The following ADARB2 variants were observed in gnomAD, a reference collection of about 807,000 sequenced individuals.
ADARB2 encodes the protein inactive double-stranded RNA-specific editase B2.
A neutral mutation model predicts 62.2 loss-of-function variants in ADARB2; 25 were observed. That is an observed-to-expected ratio of 0.40 (90% CI 0.29 to 0.56). The LOEUF is 0.56. Ranked by LOEUF, ADARB2 falls within the 20% of genes least tolerant of loss-of-function variation. ADARB2 has a pLI of 0.43. For missense variants in ADARB2, 1,071 were observed against 1,077.4 expected, an observed-to-expected ratio of 0.99 and a Z score of 0.08; for synonymous variants, 572 against 500.8, an observed-to-expected ratio of 1.14 and a Z score of -1.90.
intron 1 of ADARB2, among the ~76,000 whole-genome samples, chr10:1,407,304 G>C (rs930804908): frequency 6.6e-6 from 1 of 152,150 alleles, no homozygotes; most frequent in African/African-American, 2.4e-5. Context: ...GCTGTCCTCT[G>C]TCTTCTACAA....
chr10:1,369,732 G>C (rs982772694), intron 2 of ADARB2, among the ~76,000 whole-genome samples: 3 of 152,114 alleles, frequency 2.0e-5, no homozygotes, highest in African/African-American at 7.2e-5. Context: ...CCCTTTTTCC[G>C]AGAGGGTGGG....
intron 8 of ADARB2, among the ~76,000 whole-genome samples, chr10:1,196,600 A>G (rs1440107507): frequency 1.3e-5 from 2 of 152,190 alleles, no homozygotes; most frequent in Admixed American, 6.5e-5. Flanking sequence ...TTCTCCAGAA[A>G]ATGAAAACAA....
At chr10:1,332,476 G>T (rs1589195224) in intron 3 of ADARB2, among the ~76,000 whole-genome samples, 9 of 130,360 alleles carry the variant, frequency 6.9e-5, no homozygotes, top group East Asian at 2.1e-4. Context: ...ACTAGCATCA[G>T]TTTTGTTTTT....
chr10:1,597,770 G>A (rs1266611865), intron 1 of ADARB2, among the ~76,000 whole-genome samples: 2 of 152,180 alleles, frequency 1.3e-5, no homozygotes, highest in African/African-American at 4.8e-5. Context: ...CCCACTACTG[G>A]ATATCTACCC....
chr10:1,273,903 C>A (rs1831288587), intron 3 of ADARB2, among the ~76,000 whole-genome samples: 1 of 152,168 alleles, frequency 6.6e-6, no homozygotes, highest in African/African-American at 2.4e-5. Context: ...ACGGGTGGGA[C>A]CTCTGCCAGG....
chr10:1,588,112 T>A (rs1356000288), intron 1 of ADARB2, among the ~76,000 whole-genome samples: 1 of 152,174 alleles, frequency 6.6e-6, no homozygotes, highest in Non-Finnish European at 1.5e-5. Flanking sequence ...AATCACAGGC[T>A]ACACACTGAG....
At chr10:1,250,871 C>G (rs7079124) in intron 4 of ADARB2, among the ~76,000 whole-genome samples, 5,549 of 152,220 alleles carry the variant, frequency 0.036, 360 homozygotes, top group African/African-American at 0.13. Context: ...TGCCAGGTCA[C>G]TGTGGGGATG....
At chr10:1,450,456 G>A (rs999801470) in intron 1 of ADARB2, among the ~76,000 whole-genome samples, 14 of 152,184 alleles carry the variant, frequency 9.2e-5, no homozygotes, top group African/African-American at 3.4e-4. Flanking sequence ...ATTCAGCACC[G>A]GACTCTGATG....
intron 4 of ADARB2, among the ~76,000 whole-genome samples, chr10:1,245,788 C>A (rs1402848136): frequency 1.1e-4 from 17 of 152,044 alleles, no homozygotes; most frequent in Admixed American, 6.6e-5. Flanking sequence ...AATAGTGCCA[C>A]AATAAACATA....
chr10:1,480,127 C>T (rs1402864785), intron 1 of ADARB2, among the ~76,000 whole-genome samples: 2 of 151,708 alleles, frequency 1.3e-5, no homozygotes, highest in African/African-American at 2.4e-5. Flanking sequence ...TCCTCTAGAA[C>T]AGGACAAAGA....
At chr10:1,611,026 G>A (rs1359695643) in intron 1 of ADARB2, among the ~76,000 whole-genome samples, 1 of 152,152 alleles carries the variant, frequency 6.6e-6, no homozygotes, top group Non-Finnish European at 1.5e-5. Context: ...TCCATACGAC[G>A]ACATCAACGT....
chr10:1,673,920 A>G (rs1455493769), intron 1 of ADARB2, among the ~76,000 whole-genome samples: 1 of 152,260 alleles, frequency 6.6e-6, no homozygotes, highest in Non-Finnish European at 1.5e-5. Flanking sequence ...CAGCAATCAT[A>G]TCTGCTTCAT....
intron 1 of ADARB2, among the ~76,000 whole-genome samples, chr10:1,524,943 G>A (rs2813451): frequency 0.54 from 82,855 of 152,032 alleles, 23,379 homozygotes; most frequent in East Asian, 0.72. Flanking sequence ...TTTAAAGATA[G>A]TTTATATCCA....
chr10:1,481,004 A>G (rs1831463292), intron 1 of ADARB2, among the ~76,000 whole-genome samples: 1 of 152,202 alleles, frequency 6.6e-6, no homozygotes, highest in Non-Finnish European at 1.5e-5. Flanking sequence ...TTGAATGGTC[A>G]AAATAATCTT....
chr10:1,631,774 A>G (rs1439596572), intron 1 of ADARB2, among the ~76,000 whole-genome samples: 1 of 152,208 alleles, frequency 6.6e-6, no homozygotes, highest in African/African-American at 2.4e-5. Flanking sequence ...TAGGAAGGAA[A>G]ATATGTATTT....
At chr10:1,329,063 A>G (rs1411600421) in intron 3 of ADARB2, among the ~76,000 whole-genome samples, 1 of 151,460 alleles carries the variant, frequency 6.6e-6, no homozygotes, top group African/African-American at 2.4e-5. Context: ...TTTATGACAT[A>G]TCTGGTTCAG....
intron 1 of ADARB2, among the ~76,000 whole-genome samples, chr10:1,382,807 T>C (rs1226472295): frequency 6.6e-6 from 1 of 151,370 alleles, no homozygotes; most frequent in Admixed American, 6.6e-5. Flanking sequence ...ACCCTCTGGG[T>C]AATGCCTAGA....
intron 3 of ADARB2, among the ~76,000 whole-genome samples, chr10:1,307,896 C>T (rs924208685): frequency 1.6e-5 from 2 of 125,084 alleles, no homozygotes; most frequent in Non-Finnish European, 1.6e-5. Context: ...CACATGGACA[C>T]AGGAAGGGGA....
Position 1,464,775 on chromosome 10 carries a change from C to G in ADARB2, c.101-85615G>C, listed in dbSNP as rs577085300. Among the ~76,000 whole-genome samples the G allele has an allele frequency of 1.0e-4, 15 of 148,084 alleles. No individual in the cohort carries two copies. In the East Asian group the frequency reaches 2.6e-3, roughly 25 times the overall value. On this transcript the variant is annotated intron_variant, in intron 1 of 9. Transcript: ENST00000381312. ...GGGGGCAGTCACAGCGGGCAGCGTG[C>G]TGGAGAAGAGGGTGGACACACACTC...
Sources: allele counts gnomAD v4.1 joint callset (sites outside exome capture counted in the v4.1 genomes callset), GRCh38; gene constraint gnomAD v4.1.1; transcripts MANE v1.5; gene names NCBI Gene and HGNC (gene_info 2026-07-23, HGNC 2026-07-21).